RARB: variants seen among roughly 807,000 people sequenced by gnomAD.
RARB encodes retinoic acid receptor beta, also known as HBV-activated protein.
RARB carries 17 observed loss-of-function variants against 51.9 expected under a neutral mutation model. That is an observed-to-expected ratio of 0.33 (90% CI 0.22 to 0.49). The LOEUF is 0.49. Ranked by LOEUF, RARB falls within the 20% of genes least tolerant of loss-of-function variation. RARB has a pLI of 0.99. For missense variants in RARB, 369 were observed against 550.8 expected, an observed-to-expected ratio of 0.67 and a Z score of 3.30; for synonymous variants, 215 against 195.4, an observed-to-expected ratio of 1.10 and a Z score of -0.84.
chr3:24,922,125 A>G (rs1695228429), intron 2 of RARB, among the ~76,000 whole-genome samples: 1 of 152,244 alleles, frequency 6.6e-6, no homozygotes, highest in Admixed American at 6.5e-5. Flanking sequence ...AAAGTATTTT[A>G]TGAAAGCACT....
chr3:24,891,834 A>G (rs11711279), intron 2 of RARB, among the ~76,000 whole-genome samples: 12,101 of 151,944 alleles, frequency 0.08, 898 homozygotes, highest in East Asian at 0.31. Flanking sequence ...ACATTAAAGG[A>G]CCTGGGGCGG....
intron 3 of RARB, among the ~76,000 whole-genome samples, chr3:25,067,041 G>A (rs974211767): frequency 6.6e-6 from 1 of 152,196 alleles, no homozygotes; most frequent in Non-Finnish European, 1.5e-5. Context: ...AGCATTGAAA[G>A]CACATAGCTG....
chr3:25,550,313 G>A (rs999146204), intron 3 of RARB, among the ~76,000 whole-genome samples: 15 of 152,130 alleles, frequency 9.9e-5, no homozygotes, highest in African/African-American at 3.6e-4. Flanking sequence ...TTGGGCTGCT[G>A]TAACAAAAAT....
chr3:25,040,672 G>C (rs1027379910), intron 2 of RARB, among the ~76,000 whole-genome samples: 1 of 152,196 alleles, frequency 6.6e-6, no homozygotes, highest in Non-Finnish European at 1.5e-5. Context: ...AGAATTGCTT[G>C]AACCTGGGAG....
At chr3:25,127,129 T>G (rs1289562393) in intron 3 of RARB, among the ~76,000 whole-genome samples, 1 of 152,156 alleles carries the variant, frequency 6.6e-6, no homozygotes, top group Non-Finnish European at 1.5e-5. Context: ...AGGAACCAGG[T>G]GATCTTGGAA....
chr3:25,327,094 G>A (rs114692329), intron 5 of RARB, among the ~76,000 whole-genome samples: 5,988 of 151,840 alleles, frequency 0.039, 165 homozygotes, highest in Middle Eastern at 0.062. Context: ...GCGCTGTTTC[G>A]TTTTTAGACA....
At chr3:25,323,584 G>A (rs1704630959) in intron 5 of RARB, among the ~76,000 whole-genome samples, 1 of 152,172 alleles carries the variant, frequency 6.6e-6, no homozygotes, top group African/African-American at 2.4e-5. Context: ...GAAAGTAGAT[G>A]CCATAACTTT....
In RARB at chr3:24,911,101, T is replaced by C. The variant is rs1439226431; in HGVS notation, c.-380+52349T>C. Among the ~76,000 whole-genome samples, 4 of 152,218 alleles carry C rather than the reference T, an allele frequency of 2.6e-5. No homozygotes were observed. In the East Asian group the frequency reaches 5.8e-4, roughly 22 times the overall value. ...GCTTCATTCTCCCTAAATTGCCTTA[T>C]TGCGTTTCATTATGGGCACTAATGA... On this transcript the variant is annotated intron_variant, in intron 2 of 11. Coordinates refer to the RARB transcript ENST00000383772.
chr3:25,035,595 A>G (rs1559442386), intron 2 of RARB, among the ~76,000 whole-genome samples: 1 of 152,182 alleles, frequency 6.6e-6, no homozygotes, highest in Non-Finnish European at 1.5e-5. Context: ...GCCCAAACTC[A>G]TATTGATGTT....
rs746009538 is a variant in RARB, at chr3:25,194,520, GAT to G, written c.178+19959_178+19960del. Among the ~76,000 whole-genome samples, 109 of 146,624 alleles carry G rather than the reference GAT, an allele frequency of 7.4e-4. No individual in the cohort carries two copies. In the East Asian group the frequency reaches 9.2e-3, roughly 12 times the overall value. On this transcript the variant is annotated intron_variant, in intron 5 of 11. Transcript: ENST00000383772. ...ACACACATAGTGATATATATATGTT[GAT>G]ATATATATATATAATGTATATATCA... is the stretch of plus-strand genomic sequence containing the variant.
chr3:25,132,723 T>C (rs1699972681), intron 4 of RARB, among the ~76,000 whole-genome samples: 1 of 151,936 alleles, frequency 6.6e-6, no homozygotes, highest in Non-Finnish European at 1.5e-5. Flanking sequence ...AATAATGGCT[T>C]TTAAGTGTTC....
chr3:25,281,486 G>T (rs139422918), intron 5 of RARB, among the ~76,000 whole-genome samples: 3 of 152,146 alleles, frequency 2.0e-5, no homozygotes, highest in Admixed American at 2.0e-4. Flanking sequence ...ATTCTCTTAC[G>T]GGTGAACCAC....
At chr3:25,157,149 T>G (rs971703508) in intron 4 of RARB, among the ~76,000 whole-genome samples, 6 of 152,128 alleles carry the variant, frequency 3.9e-5, no homozygotes, top group African/African-American at 9.7e-5. Flanking sequence ...CAGGAAACAA[T>G]AAGGTATCTG....
chr3:25,216,028 C>G (rs896386476), intron 5 of RARB, among the ~76,000 whole-genome samples: 1 of 152,116 alleles, frequency 6.6e-6, no homozygotes, highest in Non-Finnish European at 1.5e-5. Flanking sequence ...GCTTTCAGAG[C>G]CCTAAACTTA....
At chr3:25,161,710 T>C (rs931819472) in intron 4 of RARB, among the ~76,000 whole-genome samples, 5 of 152,236 alleles carry the variant, frequency 3.3e-5, no homozygotes, top group African/African-American at 7.2e-5. Flanking sequence ...AGAGCTAGTT[T>C]TGTGTGTGTA....
intron 5 of RARB, among the ~76,000 whole-genome samples, chr3:25,200,066 T>G (rs1191966846): frequency 1.3e-5 from 2 of 152,188 alleles, no homozygotes; most frequent in Non-Finnish European, 2.9e-5. Flanking sequence ...CCACCAGCAG[T>G]GTAAAAGTAT....
intron 5 of RARB, among the ~76,000 whole-genome samples, chr3:25,415,431 C>T (rs1575384016): frequency 6.6e-6 from 1 of 152,016 alleles, no homozygotes; most frequent in East Asian, 1.9e-4. Context: ...GCAGTATATA[C>T]CTCATTATTC....
chr3:24,990,556 C>CT lies in RARB; in HGVS notation c.-379-69563dup, dbSNP rs1457251777. On this transcript the variant is annotated intron_variant, in intron 2 of 11. Coordinates refer to the RARB transcript ENST00000383772. ...TATAATGTGAGATATCTGATTTGTTCTTTTTTGCATTTCTCTCATAAGCCA... is the reference window on the plus strand; with the variant it reads ...TATAATGTGAGATATCTGATTTGTTCTTTTTTTGCATTTCTCTCATAAGCCA... Among the ~76,000 whole-genome samples the CT allele has an allele frequency of 7.4e-5, 8 of 107,478 alleles. 3 individuals carry two copies. The highest frequency in any genetic ancestry group is 4.7e-4 in the Admixed American group (4 of 8,476). 70.5% of individuals were successfully genotyped at this position (107,478 alleles called of 152,430 possible).
intron 3 of RARB, among the ~76,000 whole-genome samples, chr3:25,104,412 G>A (rs1374523676): frequency 4.6e-5 from 7 of 152,104 alleles, no homozygotes; most frequent in East Asian, 1.9e-4. Flanking sequence ...GAGGGAGAGC[G>A]GTGCAGATTG....
Sources: allele counts gnomAD v4.1 joint callset (sites outside exome capture counted in the v4.1 genomes callset), GRCh38; gene constraint gnomAD v4.1.1; transcripts MANE v1.5; gene names NCBI Gene and HGNC (gene_info 2026-07-23, HGNC 2026-07-21).